The following PPP2R3A variants were observed in gnomAD, a reference collection of about 807,000 sequenced individuals.
PPP2R3A encodes the protein serine/threonine-protein phosphatase 2A regulatory subunit B'' subunit alpha.
In PPP2R3A, 80 loss-of-function variants were observed where a neutral mutation model predicts 106.9. The observed-to-expected ratio is 0.75, with a 90% CI of 0.62 to 0.90. The LOEUF is 0.90. PPP2R3A is among the 40% of genes least tolerant of loss of function. PPP2R3A has a pLI of 0.00. For missense variants in PPP2R3A, 1,386 were observed against 1,350.4 expected (o/e 1.03, Z -0.41); for synonymous variants, 483 against 468.3 (o/e 1.03, Z -0.41).
Position 136,002,879 on chromosome 3 carries a change from T to C in PPP2R3A, c.1381T>C (p.Cys461Arg). 1 of 1,613,704 alleles carries C rather than the reference T, an allele frequency of 6.2e-7. No individual in the cohort carries two copies. The highest frequency in any genetic ancestry group is 2.2e-5 in the East Asian group (1 of 44,842). Residue 461 changes from cysteine (C) to arginine (R), a missense_variant, in exon 2 of 14, where the codon TGC becomes CGC. Transcript: ENST00000264977. ...FPEHATHLKK[C>R]PTPMQNEIGK... ...AGAACATGCTACTCATCTTAAAAAA[T>C]GCCCCACCCCAATGCAAAATGAAAT...
chr3:136,069,559 C>T (rs1018520264), intron 5 of PPP2R3A, among the ~76,000 whole-genome samples: 4 of 152,036 alleles, frequency 2.6e-5, no homozygotes, highest in Admixed American at 6.5e-5. Context: ...GCCTGGGAGG[C>T]GGAGCGAGAC....
intron 8 of PPP2R3A, among the ~76,000 whole-genome samples, chr3:136,084,640 A>G (rs974219010): frequency 1.5e-4 from 23 of 152,290 alleles, no homozygotes; most frequent in African/African-American, 5.3e-4. Context: ...AAAGCCACAG[A>G]TACTCAATGC....
At chr3:136,046,430 G>A (rs1225745090) in intron 4 of PPP2R3A, among the ~76,000 whole-genome samples, 1 of 151,708 alleles carries the variant, frequency 6.6e-6, no homozygotes, top group African/African-American at 2.4e-5. Flanking sequence ...CTCCAGCCTA[G>A]GCAACAAGAG....
chr3:136,008,425 T>A (rs1017427278), intron 2 of PPP2R3A, among the ~76,000 whole-genome samples: 8 of 152,224 alleles, frequency 5.3e-5, no homozygotes, highest in Non-Finnish European at 1.5e-5. Context: ...AATAGGAATT[T>A]GTGGAATGAG....
Position 136,145,337 on chromosome 3 carries a change from G to C in PPP2R3A, c.*171G>C. 1.2e-6 allele frequency: 1 copy of C among 809,730 alleles called. No individual in the cohort carries two copies. 50.2% of individuals were successfully genotyped at this position (809,730 alleles called of 1,614,324 possible). On this transcript the variant is annotated 3_prime_UTR_variant, in exon 14 of 14. Coordinates refer to ENST00000264977, the MANE Select transcript of PPP2R3A (RefSeq NM_002718.5). ...TAGGTCTGGATACACATTTAACTTA[G>C]GAGGCTCCTCCAATTTGCCTCAAAC...
intron 5 of PPP2R3A, among the ~76,000 whole-genome samples, chr3:136,057,227 T>G (rs1576468420): frequency 1.3e-5 from 2 of 152,182 alleles, no homozygotes; most frequent in East Asian, 3.8e-4. Context: ...CACTCTGTGT[T>G]TATTGCAACA....
At chr3:136,144,381 G>GGCCGACCAGTGGCTCAA (rs1265816821) in intron 13 of PPP2R3A, among the ~76,000 whole-genome samples, 61 of 152,262 alleles carry the variant, frequency 4.0e-4, no homozygotes, top group African/African-American at 1.3e-3. Flanking sequence ...TTGCCACTCT[G>GGCCGACCAGTGGCTCAA]GCCGACCAGT....
intron 1 of PPP2R3A, among the ~76,000 whole-genome samples, chr3:135,966,455 C>T (rs1937088342): frequency 6.6e-6 from 1 of 152,118 alleles, no homozygotes; most frequent in African/African-American, 2.4e-5. Context: ...TGGTCCTGCA[C>T]CGCGGCCGCG....
At chr3:136,063,879 A>C (rs371663641) in intron 5 of PPP2R3A, among the ~76,000 whole-genome samples, 1 of 150,014 alleles carries the variant, frequency 6.7e-6, no homozygotes, top group Non-Finnish European at 1.5e-5. Flanking sequence ...GGGATCTAGA[A>C]CTAGAAATAC....
At chr3:136,046,448 C>G (rs1440707066) in intron 4 of PPP2R3A, among the ~76,000 whole-genome samples, 2 of 150,654 alleles carry the variant, frequency 1.3e-5, no homozygotes, top group East Asian at 1.9e-4. Flanking sequence ...GAGTGAAACT[C>G]CATCTCAAAA....
intron 1 of PPP2R3A, among the ~76,000 whole-genome samples, chr3:135,988,246 A>G (rs1416598926): frequency 6.7e-6 from 1 of 149,108 alleles, no homozygotes; most frequent in East Asian, 1.9e-4. Context: ...TCAGTTGTTC[A>G]AGGATTAAAA....
At position 135,982,302 on chromosome 3, in the gene PPP2R3A, T is replaced by C. The variant is rs903903720; in HGVS notation, c.-441+16453T>C. Among the ~76,000 whole-genome samples, 17 of 152,204 alleles carry C rather than the reference T, an allele frequency of 1.1e-4. 1 individual carries two copies. The highest frequency in any genetic ancestry group is 4.1e-4 in the African/African-American group (17 of 41,462). On this transcript the variant is annotated intron_variant, in intron 1 of 13. Transcript: ENST00000264977. The stretch of plus-strand genomic sequence containing the variant: ...GCATCTACTGGGTCATCGGGTTCTT[T>C]GTCTATATAATGGGTAATTAATAAC...
At chr3:136,138,138 A>C (rs1367047033) in intron 13 of PPP2R3A, among the ~76,000 whole-genome samples, 1 of 152,208 alleles carries the variant, frequency 6.6e-6, no homozygotes, top group Non-Finnish European at 1.5e-5. Flanking sequence ...ATTATTTTTT[A>C]ATGCTTAATA....
intron 2 of PPP2R3A, among the ~76,000 whole-genome samples, chr3:136,016,187 G>A (rs1934261114): frequency 6.6e-6 from 1 of 152,108 alleles, no homozygotes; most frequent in Non-Finnish European, 1.5e-5. Context: ...GAAAGTACTT[G>A]ATATAATTTC....
chr3:135,990,483 C>T (rs1012534720), intron 1 of PPP2R3A, among the ~76,000 whole-genome samples: 6 of 152,138 alleles, frequency 3.9e-5, no homozygotes, highest in Non-Finnish European at 5.9e-5. Flanking sequence ...TTCCTACAAA[C>T]AAGCCGTGTT....
intron 1 of PPP2R3A, among the ~76,000 whole-genome samples, chr3:135,985,766 A>T (rs1327092166): frequency 6.6e-6 from 1 of 152,184 alleles, no homozygotes; most frequent in Non-Finnish European, 1.5e-5. Flanking sequence ...AGAGAACAAG[A>T]TCAGCATGAT....
At chr3:135,987,906 A>G (rs1352107325) in intron 1 of PPP2R3A, among the ~76,000 whole-genome samples, 1 of 152,170 alleles carries the variant, frequency 6.6e-6, no homozygotes, top group Non-Finnish European at 1.5e-5. Context: ...GCCACTCTGC[A>G]TGTTTGAAGT....
chr3:136,022,479 TA>T (rs1405603206), intron 2 of PPP2R3A, among the ~76,000 whole-genome samples: 2 of 152,054 alleles, frequency 1.3e-5, no homozygotes, highest in African/African-American at 2.4e-5. Flanking sequence ...TCCCTTCAAA[TA>T]AAAAATAAAA....
intron 2 of PPP2R3A, among the ~76,000 whole-genome samples, chr3:136,017,872 A>G (rs1377621601): frequency 6.6e-6 from 1 of 152,130 alleles, no homozygotes; most frequent in Non-Finnish European, 1.5e-5. Context: ...CATTATTCCA[A>G]CTGCCTTTCC....
Sources: gnomAD v4.1 joint callset for allele counts (sites outside exome capture counted in the v4.1 genomes callset) on GRCh38, gnomAD v4.1.1 for gene constraint, MANE v1.5 for transcripts, NCBI Gene and HGNC (gene_info 2026-07-23, HGNC 2026-07-21) for gene names.